Variants in MRPL41 observed in about 807,000 individuals in gnomAD.
MRPL41 encodes mitochondrial ribosomal protein L41, also known as large ribosomal subunit protein mL41.
MRPL41 carries 2 observed loss-of-function variants against 3.3 expected under a neutral mutation model. That is an observed-to-expected ratio of 0.60 (90% CI 0.25 to 1.90). MRPL41 has a LOEUF of 1.90. Ranked by LOEUF, MRPL41 falls within the 40% of genes most tolerant of loss-of-function variation. MRPL41 has a pLI of 0.16. For missense variants in MRPL41, 161 were observed against 192.2 expected, an observed-to-expected ratio of 0.84 and a Z score of 0.96; for synonymous variants, 93 against 85.7, an observed-to-expected ratio of 1.08 and a Z score of -0.47.
chr9:137,551,957 T>C lies in MRPL41; in HGVS notation c.-30T>C. The C allele has an allele frequency of 1.3e-6, 1 of 751,504 alleles. No homozygotes were observed. Among genetic ancestry groups the C allele is most frequent in the Non-Finnish European group, 1.8e-6 (1 of 553,150 alleles). 46.6% of individuals were successfully genotyped at this position (751,504 alleles called of 1,614,324 possible). A position where few individuals can be genotyped will look rare whatever the true frequency, so the allele number is the denominator to read the frequency against. On this transcript the variant is annotated 5_prime_UTR_variant, in exon 1 of 2. Coordinates refer to ENST00000371443, the MANE Select transcript of MRPL41 (RefSeq NM_032477.3). Reference sequence around the variant, plus strand: ...CGCCGGAGCCGGGGCCGCTTGGAGCTCGTGTGGGGTCTCCGGTCCAGGTGA... The same window carrying C: ...CGCCGGAGCCGGGGCCGCTTGGAGCCCGTGTGGGGTCTCCGGTCCAGGTGA...
rs113973456 is a variant in MRPL41, at chr9:137,552,214, A to T, written c.133A>T (p.Thr45Ser). ...GGGCGCCAAGGGCATCGGCTTCCTC[A>T]CCTCGGGCTGGAGGTTCGTGCAGAT... ...GRGAKGIGFLTSGWRFVQIKE... is the reference protein window; with the variant it reads ...GRGAKGIGFLSSGWRFVQIKE... Residue 45 changes from threonine (T) to serine (S), a missense_variant, in exon 2 of 2, where the codon ACC becomes TCC. Transcript: ENST00000371443. 43 of 1,565,564 alleles carry T rather than the reference A, an allele frequency of 2.7e-5. No homozygotes were observed. Among genetic ancestry groups the T allele is most frequent in the African/African-American group, 2.6e-4 (19 of 72,278 alleles).
chr9:137,552,316 C>G lies in MRPL41; in HGVS notation c.235C>G (p.Pro79Ala). 1 of 1,609,608 alleles carries G rather than the reference C, an allele frequency of 6.2e-7. No individual in the cohort carries two copies. The highest frequency in any genetic ancestry group is 8.5e-7 in the Non-Finnish European group (1 of 1,178,442). Residue 79 changes from proline to alanine, a missense_variant, in exon 2 of 2, where the codon CCT becomes GCT. Physicochemically the swap from Pro to Ala is conservative, Grantham distance 27. Transcript: ENST00000371443. ...KLKPYVSYLA[P>A]ESEETPLTAA... is the part of the protein sequence containing the mutation. ...CAAGCCCTACGTGAGCTACCTCGCCCCTGAGAGCGAGGAGACGCCCCTGAC... is the reference window on the plus strand; with the variant it reads ...CAAGCCCTACGTGAGCTACCTCGCCGCTGAGAGCGAGGAGACGCCCCTGAC...
Position 137,552,407 on chromosome 9 carries a change from T to G in MRPL41, c.326T>G (p.Phe109Cys), listed in dbSNP as rs1394014572. Residue 109 changes from phenylalanine (F) to cysteine (C), a missense_variant, in exon 2 of 2, where the codon TTC (phenylalanine) becomes TGC (cysteine). Transcript: ENST00000371443. ...GAAAAGGACTTCAAGGACGGTACCTTCGACCCTGACAACCTGGAAAAGTAC... is the reference window on the plus strand; with the variant it reads ...GAAAAGGACTTCAAGGACGGTACCTGCGACCCTGACAACCTGGAAAAGTAC... Reference protein sequence around the residue: ...AIEKDFKDGTFDPDNLEKYGF... With the variant: ...AIEKDFKDGTCDPDNLEKYGF... 1.9e-6 allele frequency: 3 copies of G among 1,608,470 alleles called. No homozygotes were observed. Among genetic ancestry groups the G allele is most frequent in the Non-Finnish European group, 2.5e-6 (3 of 1,177,694 alleles).
rs757797010 is a variant in MRPL41, at chr9:137,552,090, C to A, written c.9C>A (p.Val3=). The A allele has an allele frequency of 7.2e-7, 1 of 1,383,730 alleles. No homozygotes were observed. The highest frequency in any genetic ancestry group is 2.8e-5 in the East Asian group (1 of 35,746). The allele number at this position is 1,383,730 out of a possible 1,614,324, so 85.7% of individuals were successfully genotyped here. A position where few individuals can be genotyped will look rare whatever the true frequency, so the allele number is the denominator to read the frequency against. MG[V]LAAAARCLVR... ...CTCCCGCAGGGCGCGGCATGGGCGT[C>A]CTGGCCGCAGCGGCGCGCTGCCTGG... is the stretch of plus-strand genomic sequence containing the variant. The change falls in exon 2 of 2, where the codon GTC becomes GTA. Residue 3 remains valine, a synonymous_variant. Transcript: ENST00000371443.
Position 137,552,166 on chromosome 9 carries a change from AGCTTCAGGGGCCG to A in MRPL41, c.86_98del (p.Ser29ThrfsTer33). On this transcript the variant is annotated frameshift_variant, in exon 2 of 2. Transcript: ENST00000371443. LOFTEE classifies it low-confidence loss of function (END_TRUNC). ...GTGGACGAGCAAGCGGGGCCCGCGC[AGCTTCAGGGGCCG>A]CAAGGGCCGGGGCGCCAAGGGCATC... 6.6e-7 allele frequency: 1 copy of A among 1,523,432 alleles called. No homozygotes were observed. The highest frequency in any genetic ancestry group is 1.3e-5 in the South Asian group (1 of 79,180). 94.4% of individuals were successfully genotyped at this position (1,523,432 alleles called of 1,614,324 possible).
At chr9:137,551,999 C>T (rs1294119228) in intron 1 of MRPL41, 21 bp downstream of exon 1, 6 of 1,126,186 alleles carry the variant, frequency 5.3e-6, no homozygotes, top group African/African-American at 3.3e-5. Context: ...CGGATTGGGG[C>T]GGGCGCCGCG....
Position 137,551,940 on chromosome 9 carries a change from C to T in MRPL41, c.-47C>T, listed in dbSNP as rs1322973230. The T allele has an allele frequency of 2.7e-5, 17 of 626,854 alleles. No individual in the cohort carries two copies. The highest frequency in any genetic ancestry group is 5.7e-5 in the African/African-American group (3 of 52,416). 38.8% of individuals were successfully genotyped at this position (626,854 alleles called of 1,614,324 possible). A position where few individuals can be genotyped will look rare whatever the true frequency, so the allele number is the denominator to read the frequency against. On this transcript the variant is annotated 5_prime_UTR_variant, in exon 1 of 2. Coordinates refer to ENST00000371443, the MANE Select transcript of MRPL41 (RefSeq NM_032477.3). ...GGTCGAGGCCGGGTTGGCGCCGGAG[C>T]CGGGGCCGCTTGGAGCTCGTGTGGG...
In MRPL41 at chr9:137,552,449, A is replaced by G. The variant is rs1021573438; in HGVS notation, c.368A>G (p.Gln123Arg). 1 of 1,591,774 alleles carries G rather than the reference A, an allele frequency of 6.3e-7. No homozygotes were observed. Reference protein sequence around the residue: ...NLEKYGFEPTQEGKLFQLYPR... With the variant: ...NLEKYGFEPTREGKLFQLYPR... ...GAAAAGTACGGCTTCGAGCCCACAC[A>G]GGAGGGAAAGCTCTTCCAGCTCTAC... Residue 123 changes from glutamine to arginine, a missense_variant, in exon 2 of 2, where the codon CAG (glutamine) becomes CGG (arginine). Gln to Arg is a conservative substitution (Grantham distance 43). Coordinates refer to ENST00000371443, the MANE Select transcript of MRPL41 (RefSeq NM_032477.3).
rs1836976597 is a variant in MRPL41 at position 137,551,997 on chromosome 9, G to A, written c.-9+19G>A. On this transcript the variant is annotated intron_variant, in intron 1 of 1. Coordinates refer to ENST00000371443, the MANE Select transcript of MRPL41 (RefSeq NM_032477.3). ...GGTCCAGGTGAGTCTGTCGGATTGG[G>A]GCGGGCGCCGCGCGCGGCCAGGGGC... is the stretch of plus-strand genomic sequence containing the variant. The A allele has an allele frequency of 1.3e-5, 15 of 1,133,336 alleles. No homozygotes were observed. Among genetic ancestry groups the A allele is most frequent in the Non-Finnish European group, 1.4e-5 (13 of 897,316 alleles). The allele number at this position is 1,133,336 out of a possible 1,614,324, so 70.2% of individuals were successfully genotyped here.
chr9:137,552,208 T>A lies in MRPL41; in HGVS notation c.127T>A (p.Phe43Ile). The change falls in exon 2 of 2, where the codon TTC (phenylalanine) becomes ATC (isoleucine). Residue 43 changes from phenylalanine (F) to isoleucine (I), a missense_variant. Coordinates refer to ENST00000371443, the MANE Select transcript of MRPL41 (RefSeq NM_032477.3). ...RKGRGAKGIG[F>I]LTSGWRFVQI... The stretch of plus-strand genomic sequence containing the variant: ...GGGCCGGGGCGCCAAGGGCATCGGC[T>A]TCCTCACCTCGGGCTGGAGGTTCGT... 1 of 1,566,202 alleles carries A rather than the reference T, an allele frequency of 6.4e-7. No homozygotes were observed. The highest frequency in any genetic ancestry group is 8.6e-7 in the Non-Finnish European group (1 of 1,157,800).
In MRPL41 at chr9:137,552,395, A is replaced by G. The variant is rs1301636454; in HGVS notation, c.314A>G (p.Lys105Arg). The G allele has an allele frequency of 1.2e-6, 2 of 1,609,970 alleles. No homozygotes were observed. Among genetic ancestry groups the G allele is most frequent in the East Asian group, 2.2e-5 (1 of 44,480 alleles). ...AVAPAIEKDFKDGTFDPDNLE... is the reference protein window; with the variant it reads ...AVAPAIEKDFRDGTFDPDNLE... ...GCGCCTGCCATCGAAAAGGACTTCA[A>G]GGACGGTACCTTCGACCCTGACAAC... is the stretch of plus-strand genomic sequence containing the variant. Residue 105 changes from lysine to arginine, a missense_variant, in exon 2 of 2, where the codon AAG becomes AGG. Transcript: ENST00000371443.
Position 137,551,973 on chromosome 9 carries a change from G to A in MRPL41, c.-14G>A, listed in dbSNP as rs1319486884. 7 of 933,786 alleles carry A rather than the reference G, an allele frequency of 7.5e-6. No individual in the cohort carries two copies. The East Asian group carries it at 2.1e-4, about 28-fold the overall frequency. The allele number at this position is 933,786 out of a possible 1,614,324, so 57.8% of individuals were successfully genotyped here. On this transcript the variant is annotated 5_prime_UTR_variant, in exon 1 of 2. Coordinates refer to ENST00000371443, the MANE Select transcript of MRPL41 (RefSeq NM_032477.3). ...GCTTGGAGCTCGTGTGGGGTCTCCG[G>A]TCCAGGTGAGTCTGTCGGATTGGGG...
rs1208443514 is a variant in MRPL41, at chr9:137,552,549, C to T, written c.*54C>T. The T allele has an allele frequency of 1.4e-6, 2 of 1,466,508 alleles. No individual in the cohort carries two copies. Among genetic ancestry groups the T allele is most frequent in the South Asian group, 1.4e-5 (1 of 71,384 alleles). 90.8% of individuals were successfully genotyped at this position (1,466,508 alleles called of 1,614,324 possible). On this transcript the variant is annotated 3_prime_UTR_variant, in exon 2 of 2. Transcript: ENST00000371443. ...ATCTCATTTCTATTAAACGCCTTTG[C>T]CAGCTATACGGTGTTTGTTTTTTGG...
chr9:137,552,294 G>A lies in MRPL41; in HGVS notation c.213G>A (p.Lys71=), dbSNP rs777274163. ...CGGATCTGACCGGCTTCAAGCTCAA[G>A]CCCTACGTGAGCTACCTCGCCCCTG... ...VVPDLTGFKL[K]PYVSYLAPES... The change falls in exon 2 of 2, where the codon AAG becomes AAA. Residue 71 remains lysine, a synonymous_variant. Coordinates refer to ENST00000371443, the MANE Select transcript of MRPL41 (RefSeq NM_032477.3). 6.2e-7 allele frequency: 1 copy of A among 1,603,354 alleles called. No homozygotes were observed. The highest frequency in any genetic ancestry group is 8.5e-7 in the Non-Finnish European group (1 of 1,174,502).
Position 137,552,454 on chromosome 9 carries a change from G to A in MRPL41, c.373G>A (p.Gly125Arg), listed in dbSNP as rs1452228171. ...EKYGFEPTQE[G>R]KLFQLYPRNF... is the part of the protein sequence containing the mutation. ...GTACGGCTTCGAGCCCACACAGGAG[G>A]GAAAGCTCTTCCAGCTCTACCCCAG... is the stretch of plus-strand genomic sequence containing the variant. The change falls in exon 2 of 2, where the codon GGA becomes AGA. Residue 125 changes from glycine (G) to arginine (R), a missense_variant. Coordinates refer to ENST00000371443, the MANE Select transcript of MRPL41 (RefSeq NM_032477.3). The A allele has an allele frequency of 1.3e-6, 2 of 1,588,704 alleles. No individual in the cohort carries two copies. Among genetic ancestry groups the A allele is most frequent in the Non-Finnish European group, 1.7e-6 (2 of 1,165,762 alleles).
In MRPL41 at chr9:137,552,503, G is replaced by T. The variant is rs2298170; in HGVS notation, c.*8G>T. ...AGGAACTTCCTGCGCTAGCTGGGCG[G>T]GGGAGGGGCGGCCTGCCCTCATCTC... is the stretch of plus-strand genomic sequence containing the variant. On this transcript the variant is annotated 3_prime_UTR_variant, in exon 2 of 2. Coordinates refer to ENST00000371443, the MANE Select transcript of MRPL41 (RefSeq NM_032477.3). 5.5e-4 allele frequency: 847 copies of T among 1,536,738 alleles called. 7 individuals are homozygous for T. In the East Asian group the frequency reaches 0.016, roughly 30 times the overall value.
chr9:137,551,885 G>T lies in MRPL41; in HGVS notation c.-102G>T, dbSNP rs1311998438. 1.7e-5 allele frequency: 7 copies of T among 402,946 alleles called. No homozygotes were observed. Among genetic ancestry groups the T allele is most frequent in the Non-Finnish European group, 3.0e-5 (7 of 237,158 alleles). 25.0% of individuals were successfully genotyped at this position (402,946 alleles called of 1,614,324 possible). On this transcript the variant is annotated 5_prime_UTR_variant, in exon 1 of 2. Transcript: ENST00000371443. ...GCCGCGGCCAATCGGAGCCGCTCTT[G>T]CTGCGACGCAGCGGTCGGAAGCGGA...
rs762622131 is a variant in MRPL41 at position 137,552,370 on chromosome 9, G to C, written c.289G>C (p.Ala97Pro). The change falls in exon 2 of 2, where the codon GCG (alanine) becomes CCG (proline). Residue 97 changes from alanine to proline, a missense_variant. Ala to Pro is a conservative substitution (Grantham distance 27). Transcript: ENST00000371443. ...CGCGCAGCTCTTCAGCGAAGCCGTG[G>C]CGCCTGCCATCGAAAAGGACTTCAA... is the stretch of plus-strand genomic sequence containing the variant. Reference protein sequence around the residue: ...TAAQLFSEAVAPAIEKDFKDG... With the variant: ...TAAQLFSEAVPPAIEKDFKDG... The C allele has an allele frequency of 8.1e-6, 13 of 1,611,506 alleles. No individual in the cohort carries two copies. The African/African-American group carries it at 1.5e-4, about 18-fold the overall frequency.
chr9:137,552,027 C>T, intron 1 of MRPL41, 47 bp from the exon 2 acceptor site: 3 of 1,251,508 alleles, frequency 2.4e-6, no homozygotes, highest in African/African-American at 1.6e-5. Flanking sequence ...AGGGGCGGGG[C>T]TGGCCGGGTT....
Sources: gnomAD v4.1 joint callset for allele counts on GRCh38, gnomAD v4.1.1 for gene constraint, MANE v1.5 for transcripts, NCBI Gene and HGNC (gene_info 2026-07-23, HGNC 2026-07-21) for gene names.